Variants in KCNMB4 observed in about 807,000 individuals in gnomAD.
KCNMB4 encodes potassium calcium-activated channel subfamily M regulatory beta subunit 4, also known as calcium-activated potassium channel subunit beta-4.
Under a neutral mutation model 20.7 loss-of-function variants are expected in KCNMB4, and 3 were observed. The observed-to-expected ratio is 0.14, with a 90% CI of 0.07 to 0.37. KCNMB4 has a LOEUF of 0.37. Among genes scored for constraint, KCNMB4 ranks in the 10% least tolerant of loss-of-function variants. KCNMB4 has a pLI of 1.00. For missense variants in KCNMB4, 168 were observed against 265.9 expected (o/e 0.63, Z 2.56); for synonymous variants, 110 against 113.4 (o/e 0.97, Z 0.19).
chr12:70,371,197 T>C (rs2136113862), intron 1 of KCNMB4, among the ~76,000 whole-genome samples: 1 of 152,222 alleles, frequency 6.6e-6, no homozygotes, highest in African/African-American at 2.4e-5. Context: ...TTCCCCTTCC[T>C]CTAATAATAA....
At chr12:70,375,755 C>G (rs1389878964) in intron 1 of KCNMB4, among the ~76,000 whole-genome samples, 1 of 152,126 alleles carries the variant, frequency 6.6e-6, no homozygotes, top group Admixed American at 6.6e-5. Context: ...TGTAGGGGTC[C>G]TATACGTATT....
At chr12:70,401,565 T>C (rs982414345) in intron 2 of KCNMB4, among the ~76,000 whole-genome samples, 2 of 151,982 alleles carry the variant, frequency 1.3e-5, no homozygotes, top group Admixed American at 1.3e-4. Flanking sequence ...CATCTTGGCA[T>C]GGCCTATGTC....
intron 1 of KCNMB4, among the ~76,000 whole-genome samples, chr12:70,377,368 A>T (rs11178207): frequency 0.023 from 3,527 of 152,328 alleles, 87 homozygotes; most frequent in East Asian, 0.099. Context: ...ACATATAAAA[A>T]TTACATTTAT....
chr12:70,366,812 C>T lies in KCNMB4; in HGVS notation c.78C>T (p.Ile26=), dbSNP rs1472731252. Residue 26 remains isoleucine, a synonymous_variant, in exon 1 of 3, where the codon ATC becomes ATT. Transcript: ENST00000258111. ...KSIRLGLFLI[I]SGVVSLFIFG... ...TCCGGCTCGGCTTGTTTCTCATCAT[C>T]TCCGGCGTCGTGTCGCTCTTCATCT... The T allele has an allele frequency of 2.5e-6, 4 of 1,612,744 alleles. No homozygotes were observed. Among genetic ancestry groups the T allele is most frequent in the South Asian group, 2.2e-5 (2 of 91,070 alleles).
chr12:70,425,202 CGAGGTGGGCA>C (rs1869177807), intron 2 of KCNMB4, among the ~76,000 whole-genome samples: 1 of 151,736 alleles, frequency 6.6e-6, no homozygotes, highest in African/African-American at 2.4e-5. Context: ...TTAGAGAGGC[CGAGGTGGGCA>C]GATCACAAGG....
chr12:70,423,220 CT>C (rs1364834620), intron 2 of KCNMB4, among the ~76,000 whole-genome samples: 2 of 152,178 alleles, frequency 1.3e-5, no homozygotes, highest in African/African-American at 4.8e-5. Context: ...GCAAATTTTT[CT>C]CTCCAAAAAC....
chr12:70,405,607 C>G (rs563853812), intron 2 of KCNMB4, among the ~76,000 whole-genome samples: 1 of 152,190 alleles, frequency 6.6e-6, no homozygotes, highest in Non-Finnish European at 1.5e-5. Context: ...AGTAGAACTA[C>G]TGTATGATCC....
chr12:70,407,165 A>C (rs1029490050), intron 2 of KCNMB4, among the ~76,000 whole-genome samples: 1 of 152,072 alleles, frequency 6.6e-6, no homozygotes, highest in African/African-American at 2.4e-5. Context: ...CCTTGCATTC[A>C]ATAATTTGCT....
intron 2 of KCNMB4, among the ~76,000 whole-genome samples, chr12:70,412,963 T>A (rs10879137): frequency 0.44 from 66,445 of 152,054 alleles, 14,625 homozygotes; most frequent in East Asian, 0.54. Flanking sequence ...ATATATCCTG[T>A]ATCTTAAAAA....
At chr12:70,388,980 T>TC (rs1459973787) in intron 1 of KCNMB4, among the ~76,000 whole-genome samples, 17 of 151,920 alleles carry the variant, frequency 1.1e-4, no homozygotes, top group African/African-American at 3.6e-4. Context: ...TTTTTTTTTT[T>TC]CTGGTTTTTA....
intron 2 of KCNMB4, among the ~76,000 whole-genome samples, chr12:70,424,007 G>A (rs1391308544): frequency 6.6e-6 from 1 of 152,204 alleles, no homozygotes. Flanking sequence ...GGGCTTCACA[G>A]TAGTATATAA....
chr12:70,391,345 C>A (rs193229497), intron 1 of KCNMB4, among the ~76,000 whole-genome samples: 1 of 151,962 alleles, frequency 6.6e-6, no homozygotes, highest in East Asian at 1.9e-4. Context: ...CTCTGTCACC[C>A]AGGCTGGAGT....
intron 1 of KCNMB4, among the ~76,000 whole-genome samples, chr12:70,393,952 G>C (rs1290737359): frequency 1.3e-5 from 2 of 152,112 alleles, no homozygotes; most frequent in African/African-American, 4.8e-5. Flanking sequence ...GCAAATTCCT[G>C]TTCAGCCTTA....
chr12:70,430,579 A>C lies in KCNMB4; in HGVS notation c.559A>C (p.Ile187Leu). Residue 187 changes from isoleucine (I) to leucine (L), a missense_variant, in exon 3 of 3, where the codon ATT (isoleucine) becomes CTT (leucine). Transcript: ENST00000258111. ...GGTGACATTTGTGGTGGGCGTTCTC[A>C]TTGTGGTCCTGACCATCTGTGCCAA... ...PLVTFVVGVL[I>L]VVLTICAKSL... 6.2e-7 allele frequency: 1 copy of C among 1,613,966 alleles called. No homozygotes were observed. Among genetic ancestry groups the C allele is most frequent in the Non-Finnish European group, 8.5e-7 (1 of 1,179,964 alleles).
At chr12:70,425,000 T>C (rs1009116208) in intron 2 of KCNMB4, among the ~76,000 whole-genome samples, 8 of 152,210 alleles carry the variant, frequency 5.3e-5, no homozygotes, top group African/African-American at 1.9e-4. Context: ...TCTCAGTTAA[T>C]TGTTAACATC....
chr12:70,375,457 A>G (rs1436954777), intron 1 of KCNMB4, among the ~76,000 whole-genome samples: 1 of 147,272 alleles, frequency 6.8e-6, no homozygotes, highest in Non-Finnish European at 1.5e-5. Flanking sequence ...CAACATAGCC[A>G]AGACCACATC....
At chr12:70,375,119 T>C (rs906710575) in intron 1 of KCNMB4, among the ~76,000 whole-genome samples, 1 of 152,186 alleles carries the variant, frequency 6.6e-6, no homozygotes, top group Non-Finnish European at 1.5e-5. Flanking sequence ...AAACCCACTT[T>C]TATTCTGGAG....
rs1440640484 is a variant in KCNMB4 at position 70,366,678 on chromosome 12, G to A, written c.-57G>A. On this transcript the variant is annotated 5_prime_UTR_variant, in exon 1 of 3. Transcript: ENST00000258111. ...CCTCCCGCCCGAGGCAGTCGGGCTCGGCGCCGGGGGCGGGAGGGGGCGGGG... is the reference window on the plus strand; with the variant it reads ...CCTCCCGCCCGAGGCAGTCGGGCTCAGCGCCGGGGGCGGGAGGGGGCGGGG... 31 of 1,330,610 alleles carry A rather than the reference G, an allele frequency of 2.3e-5. No individual in the cohort carries two copies. In the Admixed American group the frequency reaches 6.0e-4, roughly 26 times the overall value. 82.4% of individuals were successfully genotyped at this position (1,330,610 alleles called of 1,614,324 possible). A position where few individuals can be genotyped will look rare whatever the true frequency, so the allele number is the denominator to read the frequency against.
Position 70,432,186 on chromosome 12 carries a change from C to G in KCNMB4, c.*1533C>G, listed in dbSNP as rs112304184. ...CTGGGACTACAGGCACGCACCACCA[C>G]GCCTGGCTAATTTTTTTGTATTTTT... On this transcript the variant is annotated 3_prime_UTR_variant, in exon 3 of 3. Transcript: ENST00000258111. The G allele has an allele frequency of 2.6e-5, 4 of 152,178 alleles. No homozygotes were observed. Among genetic ancestry groups the G allele is most frequent in the African/African-American group, 9.7e-5 (4 of 41,332 alleles). 9.4% of individuals were successfully genotyped at this position (152,178 alleles called of 1,614,324 possible). A position where few individuals can be genotyped will look rare whatever the true frequency, so the allele number is the denominator to read the frequency against.
Sources: allele counts gnomAD v4.1 joint callset (sites outside exome capture counted in the v4.1 genomes callset), GRCh38; gene constraint gnomAD v4.1.1; transcripts MANE v1.5; gene names NCBI Gene and HGNC (gene_info 2026-07-23, HGNC 2026-07-21).